AGBL1: variants seen among roughly 807,000 people sequenced by gnomAD.
The protein encoded by AGBL1 is cytosolic carboxypeptidase 4.
A neutral mutation model predicts 118.9 loss-of-function variants in AGBL1; 130 were observed. The ratio of observed to expected loss-of-function variants is 1.09; its 90% CI spans 0.95 to 1.26. The LOEUF (loss-of-function observed/expected upper bound fraction) is 1.26, where lower values mean the gene tolerates loss of function less well. Ranked by LOEUF, AGBL1 falls within the 50% of genes most tolerant of loss-of-function variation. The probability of loss-of-function intolerance (pLI) is 0.00; values close to 1 mark genes in which losing one functional copy is unlikely to be tolerated. For synonymous variants in AGBL1, 555 were observed against 478.9 expected (o/e 1.16, Z -2.08); for missense variants, 1,584 against 1,298.1 (o/e 1.22, Z -3.38).
intron 1 of AGBL1, among the ~76,000 whole-genome samples, chr15:86,114,448 G>A (rs1273864862): frequency 1.3e-5 from 2 of 152,096 alleles, no homozygotes; most frequent in East Asian, 3.9e-4. Flanking sequence ...AGATCTAGTG[G>A]GACTCCTAGA....
chr15:86,546,776 A>T (rs888153073), intron 20 of AGBL1, among the ~76,000 whole-genome samples: 3 of 152,180 alleles, frequency 2.0e-5, no homozygotes. Flanking sequence ...AGAAGGGAGT[A>T]CTTCTTCCCA....
chr15:86,239,750 A>C (rs537780826), intron 6 of AGBL1, among the ~76,000 whole-genome samples: 35 of 152,304 alleles, frequency 2.3e-4, no homozygotes, highest in South Asian at 2.3e-3. Context: ...GCTAAAAGCC[A>C]CTCTTCAAGC....
intron 5 of AGBL1, among the ~76,000 whole-genome samples, chr15:86,184,130 T>A (rs1181990938): frequency 6.6e-6 from 1 of 152,230 alleles, no homozygotes; most frequent in African/African-American, 2.4e-5. Context: ...AAATTGCTTT[T>A]AAAAAATTTA....
intron 1 of AGBL1, among the ~76,000 whole-genome samples, chr15:86,110,709 C>T (rs1897326547): frequency 6.6e-6 from 1 of 152,138 alleles, no homozygotes; most frequent in Non-Finnish European, 1.5e-5. Flanking sequence ...ACCTGGATTT[C>T]CCATCTTTGA....
At chr15:86,719,617 C>T (rs1429910454) in intron 22 of AGBL1, among the ~76,000 whole-genome samples, 1 of 152,186 alleles carries the variant, frequency 6.6e-6, no homozygotes, top group Non-Finnish European at 1.5e-5. Context: ...CTTCCCTTTT[C>T]CTCCCCTTGC....
chr15:86,750,217 G>C (rs1180318540), intron 22 of AGBL1, among the ~76,000 whole-genome samples: 2 of 151,916 alleles, frequency 1.3e-5, no homozygotes, highest in African/African-American at 4.8e-5. Context: ...AATACCAAAA[G>C]GAGTCATTCA....
intron 17 of AGBL1, among the ~76,000 whole-genome samples, chr15:86,307,555 A>T (rs35297879): frequency 0.054 from 8,155 of 152,190 alleles, 263 homozygotes; most frequent in South Asian, 0.071. Context: ...AGGGAATAAA[A>T]GTGATGTGCC....
At chr15:86,670,599 T>C (rs531620631) in intron 21 of AGBL1, among the ~76,000 whole-genome samples, 975 of 31,288 alleles carry the variant, frequency 0.031, 12 homozygotes, top group East Asian at 0.14. Context: ...AGTGAAACTC[T>C]GACACACACA....
At chr15:86,657,483 G>T (rs2085479504) in intron 21 of AGBL1, among the ~76,000 whole-genome samples, 1 of 152,166 alleles carries the variant, frequency 6.6e-6, no homozygotes, top group Non-Finnish European at 1.5e-5. Context: ...TACTCTGTGT[G>T]TGTTTGTATG....
chr15:86,108,119 T>C (rs369027730), intron 1 of AGBL1, among the ~76,000 whole-genome samples: 65 of 152,218 alleles, frequency 4.3e-4, no homozygotes, highest in African/African-American at 1.6e-3. Context: ...GCAAGCCAAT[T>C]ATCTCGCTGC....
At chr15:86,140,216 T>C (rs2076944545) in intron 1 of AGBL1, 1 of 152,178 alleles carries the variant, frequency 6.6e-6, no homozygotes, top group African/African-American at 2.4e-5. Context: ...TAATTAATTT[T>C]GATTTGTAAA....
intron 23 of AGBL1, among the ~76,000 whole-genome samples, chr15:86,985,523 T>C (rs1185285455): frequency 6.6e-6 from 1 of 152,256 alleles, no homozygotes; most frequent in Non-Finnish European, 1.5e-5. Flanking sequence ...TTATTTGCCA[T>C]CCTTAAAACT....
intron 23 of AGBL1, among the ~76,000 whole-genome samples, chr15:86,965,385 A>G (rs1003480717): frequency 6.6e-6 from 1 of 152,112 alleles, no homozygotes; most frequent in African/African-American, 2.4e-5. Flanking sequence ...AAGGCCAGTG[A>G]TGATGAACTT....
chr15:86,958,220 A>G (rs574735296), intron 23 of AGBL1, among the ~76,000 whole-genome samples: 20 of 151,414 alleles, frequency 1.3e-4, no homozygotes, highest in South Asian at 1.0e-3. Context: ...AAAAAAAAAA[A>G]AAAAGAAAAG....
At chr15:86,676,137 G>C (rs2085842378) in intron 22 of AGBL1, among the ~76,000 whole-genome samples, 2 of 152,114 alleles carry the variant, frequency 1.3e-5, no homozygotes, top group Non-Finnish European at 2.9e-5. Context: ...TCCTAGGCTG[G>C]TGCAGCTCCC....
chr15:86,884,022 G>A (rs2079934282), intron 22 of AGBL1, among the ~76,000 whole-genome samples: 1 of 152,098 alleles, frequency 6.6e-6, no homozygotes, highest in African/African-American at 2.4e-5. Flanking sequence ...TGAGACCCAT[G>A]GATAGAATAT....
chr15:86,499,359 G>T (rs957258917), intron 18 of AGBL1, among the ~76,000 whole-genome samples: 3 of 151,874 alleles, frequency 2.0e-5, no homozygotes, highest in Admixed American at 1.3e-4. Context: ...GGATTCTGGA[G>T]AAAAGAATAA....
chr15:86,370,312 T>G (rs2080953455), intron 17 of AGBL1, among the ~76,000 whole-genome samples: 1 of 150,756 alleles, frequency 6.6e-6, no homozygotes, highest in Non-Finnish European at 1.5e-5. Context: ...TTTTTTTTTT[T>G]TTTTTTTCTT....
rs111564220 is a variant in AGBL1, at chr15:86,926,866, C to T, written c.3222-61121C>T. On this transcript the variant is annotated intron_variant, in intron 23 of 24. Coordinates refer to the AGBL1 transcript ENST00000441037. ...CAATAAAATCTCCACTCAGGCCAGG[C>T]GCGGTAGCTCATGCCTGTAATCCCA... is the stretch of plus-strand genomic sequence containing the variant. Among the ~76,000 whole-genome samples, 1,011 of 152,268 alleles carry T rather than the reference C, an allele frequency of 6.6e-3. 7 individuals are homozygous for T. Among genetic ancestry groups the T allele is most frequent in the Admixed American group, 0.012 (189 of 15,290 alleles).
Sources: allele counts gnomAD v4.1 joint callset (sites outside exome capture counted in the v4.1 genomes callset), GRCh38; gene constraint gnomAD v4.1.1; transcripts MANE v1.5; gene names NCBI Gene and HGNC (gene_info 2026-07-23, HGNC 2026-07-21).